The following WDR72 variants were observed in gnomAD, a reference collection of about 807,000 sequenced individuals.
The protein encoded by WDR72 is WD repeat domain 72.
WDR72 carries 120 observed loss-of-function variants against 124.2 expected under a neutral mutation model. The ratio of observed to expected loss-of-function variants is 0.97; its 90% CI spans 0.83 to 1.12. The LOEUF is 1.12. WDR72 is among the 50% of genes most tolerant of loss of function. The pLI is 0.00. For missense variants in WDR72, 1,387 were observed against 1,278.8 expected (o/e 1.08, Z -1.29); for synonymous variants, 452 against 441.7 (o/e 1.02, Z -0.29).
intron 1 of WDR72, among the ~76,000 whole-genome samples, chr15:53,745,599 T>C (rs879629018): frequency 6.6e-6 from 1 of 152,196 alleles, no homozygotes; most frequent in African/African-American, 2.4e-5. Context: ...TTGTATAGTA[T>C]ACACTATGTA....
intron 18 of WDR72, among the ~76,000 whole-genome samples, chr15:53,532,496 G>A (rs1026860611): frequency 1.3e-5 from 2 of 152,034 alleles, no homozygotes; most frequent in Non-Finnish European, 2.9e-5. Flanking sequence ...GCAACCATAT[G>A]AATGGAACTG....
intron 18 of WDR72, among the ~76,000 whole-genome samples, chr15:53,546,663 A>T (rs1382637665): frequency 1.3e-5 from 2 of 152,196 alleles, no homozygotes; most frequent in Non-Finnish European, 2.9e-5. Flanking sequence ...ATAAAGTATA[A>T]TAATAATAAA....
chr15:53,712,459 G>T (rs1345587256), intron 7 of WDR72, among the ~76,000 whole-genome samples: 1 of 152,072 alleles, frequency 6.6e-6, no homozygotes, highest in African/African-American at 2.4e-5. Flanking sequence ...AGCCGGGCAT[G>T]GTGGCATGCG....
chr15:53,738,240 T>G (rs990570056), intron 1 of WDR72, among the ~76,000 whole-genome samples: 3 of 151,994 alleles, frequency 2.0e-5, no homozygotes, highest in African/African-American at 7.2e-5. Context: ...GACAGCAAAT[T>G]AATAAGTAAA....
intron 3 of WDR72, among the ~76,000 whole-genome samples, chr15:53,720,048 TG>T (rs1283966164): frequency 2.3e-4 from 35 of 152,296 alleles, no homozygotes; most frequent in Admixed American, 2.3e-3. Context: ...GTAATTGGAA[TG>T]ACTATTTTAT....
intron 18 of WDR72, among the ~76,000 whole-genome samples, chr15:53,531,414 A>T (rs1005076437): frequency 2.6e-5 from 4 of 152,074 alleles, no homozygotes; most frequent in African/African-American, 9.7e-5. Flanking sequence ...CACACATCTC[A>T]ATGTAGGCAC....
At chr15:53,755,392 A>G (rs2140901905) in intron 1 of WDR72, among the ~76,000 whole-genome samples, 1 of 152,298 alleles carries the variant, frequency 6.6e-6, no homozygotes, top group South Asian at 2.1e-4. Flanking sequence ...ATTACAAATT[A>G]TTTTTATTTT....
intron 18 of WDR72, among the ~76,000 whole-genome samples, chr15:53,584,336 T>C (rs1234723992): frequency 6.6e-6 from 1 of 151,926 alleles, no homozygotes; most frequent in Non-Finnish European, 1.5e-5. Context: ...ACTAATGAGA[T>C]TTGAAATTTG....
rs547157118 is a variant in WDR72 at position 53,696,483 on chromosome 15, G to A, written c.1765+3267C>T. ...CAATCTACTGAGGTAAGGGCACTTG[G>A]ATTAATTAGTTCACTCATTCATTTA... is the stretch of plus-strand genomic sequence containing the variant. On this transcript the variant is annotated intron_variant, in intron 13 of 19. Coordinates refer to ENST00000360509, the MANE Select transcript of WDR72 (RefSeq NM_182758.4). Among the ~76,000 whole-genome samples the A allele has an allele frequency of 1.4e-4, 21 of 152,270 alleles. No individual in the cohort carries two copies. In the South Asian group the frequency reaches 3.9e-3, roughly 29 times the overall value.
rs1595726837 is a variant in WDR72 at position 53,523,332 on chromosome 15, G to C, written c.3149-10C>G. On this transcript the variant is annotated splice_polypyrimidine_tract_variant and intron_variant, in intron 18 of 19. Transcript: ENST00000360509. ...ACCGGGCTGACTGGAGCTATTAAAA[G>C]AGAGAGAGAGAGAGAGAGAGACAGA... 4.4e-6 allele frequency: 3 copies of C among 681,630 alleles called. No homozygotes were observed. In the African/African-American group the frequency reaches 6.2e-5, roughly 14 times the overall value. 42.2% of individuals were successfully genotyped at this position (681,630 alleles called of 1,614,324 possible).
chr15:53,583,923 T>G (rs922087453), intron 18 of WDR72, among the ~76,000 whole-genome samples: 7 of 151,952 alleles, frequency 4.6e-5, no homozygotes, highest in African/African-American at 1.2e-4. Flanking sequence ...ACTTCTAAGT[T>G]GCTTTGTTAA....
chr15:53,717,462 A>G (rs779431277), intron 3 of WDR72, among the ~76,000 whole-genome samples: 5 of 152,166 alleles, frequency 3.3e-5, no homozygotes, highest in Admixed American at 1.3e-4. Context: ...AACAAAATAT[A>G]TAGACTAATA....
intron 13 of WDR72, among the ~76,000 whole-genome samples, chr15:53,679,944 C>CAAAA (rs3081356): frequency 7.0e-6 from 1 of 143,232 alleles, no homozygotes. Flanking sequence ...ATATCTGCAG[C>CAAAA]AAAAAAAAAA....
chr15:53,663,410 A>G (rs2015673980), intron 14 of WDR72, among the ~76,000 whole-genome samples: 1 of 152,154 alleles, frequency 6.6e-6, no homozygotes. Flanking sequence ...AAATCAGCCT[A>G]TAAGTAGGAA....
At chr15:53,558,539 G>A (rs1254543130) in intron 18 of WDR72, among the ~76,000 whole-genome samples, 1 of 152,020 alleles carries the variant, frequency 6.6e-6, no homozygotes, top group Non-Finnish European at 1.5e-5. Context: ...GGGGTGGAGT[G>A]AAGGAGAAGC....
chr15:53,655,186 G>A (rs550581231), intron 14 of WDR72, among the ~76,000 whole-genome samples: 23 of 119,330 alleles, frequency 1.9e-4, no homozygotes, highest in Admixed American at 2.5e-4. Context: ...AGCAAGGATC[G>A]CACCACTTCA....
intron 18 of WDR72, among the ~76,000 whole-genome samples, chr15:53,558,100 A>T (rs748193056): frequency 6.6e-6 from 1 of 152,036 alleles, no homozygotes; most frequent in Admixed American, 6.6e-5. Context: ...ATCTTTCCAC[A>T]GACATTGACT....
chr15:53,726,264 G>GTATATATATATATATA lies in WDR72; in HGVS notation c.154-3372_154-3357dup, dbSNP rs34367324. On this transcript the variant is annotated intron_variant, in intron 2 of 19. Transcript: ENST00000360509. ...TGTGTGTATATATATATGTATGTGT[G>GTATATATATATATATA]TATATATATATATATATATATACAC... Among the ~76,000 whole-genome samples the GTATATATATATATATA allele has an allele frequency of 1.5e-3, 167 of 110,332 alleles. 1 individual carries two copies. The highest frequency in any genetic ancestry group is 7.4e-3 in the African/African-American group (162 of 21,946). The allele number at this position is 110,332 out of a possible 152,430, so 72.4% of individuals were successfully genotyped here. A position where few individuals can be genotyped will look rare whatever the true frequency, so the allele number is the denominator to read the frequency against.
In WDR72 at chr15:53,551,322, G is replaced by A. The variant is rs377024717; in HGVS notation, c.3149-28000C>T. On this transcript the variant is annotated intron_variant, in intron 18 of 19. Transcript: ENST00000360509. ...TATTGTATCCTAAATGCAATGAGAA[G>A]ATGTTGAAATAATTCACGCAGAATT... Among the ~76,000 whole-genome samples the A allele has an allele frequency of 2.0e-5, 3 of 152,134 alleles. No homozygotes were observed. In the East Asian group the frequency reaches 5.8e-4, roughly 29 times the overall value.
Sources: allele counts gnomAD v4.1 joint callset (sites outside exome capture counted in the v4.1 genomes callset), GRCh38; gene constraint gnomAD v4.1.1; transcripts MANE v1.5; gene names NCBI Gene and HGNC (gene_info 2026-07-23, HGNC 2026-07-21).